Variants in ZNF521 observed in about 807,000 individuals in gnomAD.
The protein encoded by ZNF521 is zinc finger protein 521.
In ZNF521, 14 loss-of-function variants were observed where a neutral mutation model predicts 105.5. That is an observed-to-expected ratio of 0.13 (90% confidence interval 0.09 to 0.21). The LOEUF is 0.21. Ranked by LOEUF, ZNF521 falls within the 10% of genes least tolerant of loss-of-function variation. The pLI is 1.00. For synonymous variants in ZNF521, 635 were observed against 606.0 expected, an observed-to-expected ratio of 1.05 and a Z score of -0.70; for missense variants, 1,233 against 1,629.7, an observed-to-expected ratio of 0.76 and a Z score of 4.19.
chr18:25,132,933 G>A (rs926061452), intron 5 of ZNF521, among the ~76,000 whole-genome samples: 10 of 152,170 alleles, frequency 6.6e-5, no homozygotes, highest in Admixed American at 2.0e-4. Flanking sequence ...CGTCTGCCCC[G>A]ATCTGAGAGT....
At chr18:25,242,878 G>C (rs1907441468) in intron 3 of ZNF521, among the ~76,000 whole-genome samples, 1 of 152,178 alleles carries the variant, frequency 6.6e-6, no homozygotes, top group African/African-American at 2.4e-5. Context: ...AATCTGATGA[G>C]ACTCCACTTC....
At chr18:25,169,877 T>C (rs756237676) in intron 5 of ZNF521, among the ~76,000 whole-genome samples, 2 of 152,192 alleles carry the variant, frequency 1.3e-5, no homozygotes, top group Non-Finnish European at 2.9e-5. Context: ...TTCTTCGGTA[T>C]GTATGAGTCA....
At chr18:25,270,937 A>G (rs960086747) in intron 3 of ZNF521, among the ~76,000 whole-genome samples, 3 of 152,318 alleles carry the variant, frequency 2.0e-5, no homozygotes, top group Non-Finnish European at 2.9e-5. Flanking sequence ...CAATCAGGCA[A>G]GAGAAAGAAA....
chr18:25,285,001 G>A (rs920546751), intron 3 of ZNF521, among the ~76,000 whole-genome samples: 1 of 151,538 alleles, frequency 6.6e-6, no homozygotes, highest in Non-Finnish European at 1.5e-5. Context: ...GAGCCCAGCT[G>A]CTTCCTTACC....
chr18:25,186,917 A>AAAG (rs1388234054), intron 5 of ZNF521, among the ~76,000 whole-genome samples: 1 of 148,940 alleles, frequency 6.7e-6, no homozygotes, highest in Non-Finnish European at 1.5e-5. Flanking sequence ...AAAAAAAAAA[A>AAAG]AAAAGAAAAA....
intron 5 of ZNF521, among the ~76,000 whole-genome samples, chr18:25,104,531 G>A (rs183376265): frequency 8.5e-5 from 13 of 152,258 alleles, no homozygotes; most frequent in Admixed American, 6.5e-4. Context: ...TAAAAGTCCA[G>A]GACAGAAAGT....
chr18:25,298,227 A>G (rs1307083806), intron 3 of ZNF521, among the ~76,000 whole-genome samples: 1 of 152,236 alleles, frequency 6.6e-6, no homozygotes, highest in Non-Finnish European at 1.5e-5. Context: ...TATAGAAGTC[A>G]TTGAACTATA....
intron 3 of ZNF521, among the ~76,000 whole-genome samples, chr18:25,262,207 A>T (rs1908958594): frequency 6.6e-6 from 1 of 152,154 alleles, no homozygotes; most frequent in Non-Finnish European, 1.5e-5. Context: ...GCTCTGAAAA[A>T]AATATTAGAA....
At chr18:25,128,732 A>G (rs549303094) in intron 5 of ZNF521, among the ~76,000 whole-genome samples, 4 of 152,166 alleles carry the variant, frequency 2.6e-5, no homozygotes, top group East Asian at 1.9e-4. Context: ...ATACCTACGT[A>G]TAGACCTAAT....
intron 6 of ZNF521, among the ~76,000 whole-genome samples, chr18:25,090,680 T>A (rs1482496005): frequency 6.6e-6 from 1 of 152,260 alleles, no homozygotes; most frequent in Non-Finnish European, 1.5e-5. Flanking sequence ...GATTTGCAGC[T>A]AATCTGCATA....
In ZNF521 at chr18:25,157,981, T is replaced by C. The variant is rs188621195; in HGVS notation, c.3658+37179A>G. On this transcript the variant is annotated intron_variant, in intron 5 of 7. Transcript: ENST00000361524. The stretch of plus-strand genomic sequence containing the variant: ...GTTGGCCAGGCTGGTCTTGAACTCC[T>C]GACCTCAGGTGATTCACTCACCTCG... 1.2e-3 allele frequency among the ~76,000 whole-genome samples: 176 copies of C among 152,272 alleles called. 2 individuals carry two copies. The highest frequency in any genetic ancestry group is 0.011 in the Admixed American group (163 of 15,298).
At chr18:25,212,214 T>TA (rs1439358721) in intron 4 of ZNF521, among the ~76,000 whole-genome samples, 2 of 151,944 alleles carry the variant, frequency 1.3e-5, no homozygotes, top group African/African-American at 2.4e-5. Context: ...TAAAAATATA[T>TA]AAAAAATATT....
At chr18:25,164,776 C>T (rs1417417065) in intron 5 of ZNF521, among the ~76,000 whole-genome samples, 1 of 152,156 alleles carries the variant, frequency 6.6e-6, no homozygotes, top group Admixed American at 6.5e-5. Context: ...ACTCAATTCA[C>T]TATTTATGCT....
At chr18:25,267,924 G>T (rs1909383070) in intron 3 of ZNF521, among the ~76,000 whole-genome samples, 1 of 152,142 alleles carries the variant, frequency 6.6e-6, no homozygotes, top group African/African-American at 2.4e-5. Flanking sequence ...ACTAGACAGA[G>T]AATGAGTTTC....
At chr18:25,296,992 G>C (rs556990260) in intron 3 of ZNF521, among the ~76,000 whole-genome samples, 2 of 151,882 alleles carry the variant, frequency 1.3e-5, no homozygotes, top group South Asian at 4.2e-4. Flanking sequence ...TTCTGTATTT[G>C]TTAAGTGTGT....
chr18:25,242,100 T>C (rs1907377017), intron 3 of ZNF521, among the ~76,000 whole-genome samples: 1 of 152,214 alleles, frequency 6.6e-6, no homozygotes, highest in African/African-American at 2.4e-5. Context: ...GACCTAATAG[T>C]TGCAACCTGT....
chr18:25,065,925 C>T (rs983425932), intron 7 of ZNF521, among the ~76,000 whole-genome samples: 7 of 152,158 alleles, frequency 4.6e-5, no homozygotes, highest in African/African-American at 1.4e-4. Context: ...CTACAACAGA[C>T]TGAAGTTGTT....
intron 3 of ZNF521, among the ~76,000 whole-genome samples, chr18:25,253,235 A>G (rs895652744): frequency 2.6e-5 from 4 of 152,178 alleles, no homozygotes. Context: ...AATTCCAAGA[A>G]TATGTGTTTC....
intron 2 of ZNF521, among the ~76,000 whole-genome samples, chr18:25,332,038 T>C (rs1217630310): frequency 6.6e-6 from 1 of 150,972 alleles, no homozygotes; most frequent in Non-Finnish European, 1.5e-5. Flanking sequence ...ACAGATTTAT[T>C]TCACCCAGGA....
Sources: allele counts gnomAD v4.1 joint callset (sites outside exome capture counted in the v4.1 genomes callset), GRCh38; gene constraint gnomAD v4.1.1; transcripts MANE v1.5; gene names NCBI Gene and HGNC (gene_info 2026-07-23, HGNC 2026-07-21).